The following ACACA variants were observed in gnomAD, a reference collection of about 807,000 sequenced individuals.
The protein encoded by ACACA is acetyl-CoA carboxylase 1.
A neutral mutation model predicts 296.1 loss-of-function variants in ACACA; 103 were observed. The ratio of observed to expected loss-of-function variants is 0.35; its 90% CI spans 0.30 to 0.41. The LOEUF is 0.41. ACACA is among the 10% of genes least tolerant of loss of function. ACACA has a pLI of 1.00. For synonymous variants in ACACA, 953 were observed against 1,038.6 expected, an observed-to-expected ratio of 0.92 and a Z score of 1.58; for missense variants, 1,554 against 2,989.7, an observed-to-expected ratio of 0.52 and a Z score of 11.20.
chr17:37,239,510 G>C (rs967244949), intron 24 of ACACA, among the ~76,000 whole-genome samples: 2 of 151,984 alleles, frequency 1.3e-5, no homozygotes, highest in African/African-American at 4.8e-5. Context: ...AGATTTTTTT[G>C]TGGGTCCCTT....
At chr17:37,316,208 G>A (rs1659493057) in intron 3 of ACACA, among the ~76,000 whole-genome samples, 1 of 151,654 alleles carries the variant, frequency 6.6e-6, no homozygotes, top group African/African-American at 2.4e-5. Flanking sequence ...ACCTTCCATT[G>A]CAGTAATAGT....
chr17:37,155,854 T>C (rs2076220617), intron 42 of ACACA, 74 bp from the exon 43 acceptor site: 3 of 1,012,794 alleles, frequency 3.0e-6, no homozygotes, highest in Non-Finnish European at 3.1e-6. Context: ...AAAGCATACA[T>C]AATGAAGCTT....
intron 1 of ACACA, among the ~76,000 whole-genome samples, chr17:37,354,211 C>T (rs1225120673): frequency 6.6e-6 from 1 of 152,156 alleles, no homozygotes; most frequent in Non-Finnish European, 1.5e-5. Context: ...GAATGGTAAA[C>T]ATTATTGTGG....
intron 41 of ACACA, among the ~76,000 whole-genome samples, chr17:37,173,734 C>A (rs955212625): frequency 6.6e-6 from 1 of 150,858 alleles, no homozygotes; most frequent in East Asian, 1.9e-4. Context: ...AAAACTGAAC[C>A]CCTAATCCCC....
intron 1 of ACACA, among the ~76,000 whole-genome samples, chr17:37,395,281 T>TTAG (rs1312334613): frequency 6.6e-6 from 1 of 151,678 alleles, no homozygotes; most frequent in Non-Finnish European, 1.5e-5. Flanking sequence ...ATACAAAAAA[T>TTAG]TAGTTGGGCA....
chr17:37,374,557 G>A (rs1398191281), intron 1 of ACACA, among the ~76,000 whole-genome samples: 2 of 152,086 alleles, frequency 1.3e-5, no homozygotes, highest in East Asian at 1.9e-4. Context: ...AAAGTGCTGG[G>A]ATTACAGGCG....
chr17:37,378,314 T>C lies in ACACA; in HGVS notation c.38+27948A>G, dbSNP rs61469190. Among the ~76,000 whole-genome samples the C allele has an allele frequency of 8.7e-4, 133 of 152,344 alleles. 1 individual carries two copies. Among genetic ancestry groups the C allele is most frequent in the African/African-American group, 3.1e-3 (130 of 41,588 alleles). On this transcript the variant is annotated intron_variant, in intron 1 of 55. Transcript: ENST00000616317. ...AAAGGCAGGACTTGTCTATTAGTACTATGAACACAAACTGAAGAAGTTAAC... is the reference window on the plus strand; with the variant it reads ...AAAGGCAGGACTTGTCTATTAGTACCATGAACACAAACTGAAGAAGTTAAC...
chr17:37,215,499 C>T (rs3848462), intron 29 of ACACA, among the ~76,000 whole-genome samples: 5,277 of 152,210 alleles, frequency 0.035, 148 homozygotes, highest in Non-Finnish European at 0.054. Context: ...GAGTCATATG[C>T]ATAGGCACAA....
intron 3 of ACACA, among the ~76,000 whole-genome samples, chr17:37,293,725 A>G (rs774789062): frequency 2.6e-5 from 4 of 151,990 alleles, no homozygotes; most frequent in Non-Finnish European, 5.9e-5. Flanking sequence ...TATTTTCAGT[A>G]GAGATGGGGT....
chr17:37,295,721 A>C (rs2083295402), intron 3 of ACACA, among the ~76,000 whole-genome samples: 1 of 152,016 alleles, frequency 6.6e-6, no homozygotes, highest in African/African-American at 2.4e-5. Context: ...TCAGGAGATC[A>C]AGACCATCCT....
intron 5 of ACACA, among the ~76,000 whole-genome samples, chr17:37,279,051 G>T (rs904402875): frequency 1.3e-5 from 2 of 151,772 alleles, no homozygotes; most frequent in Non-Finnish European, 2.9e-5. Flanking sequence ...ACATTTATGC[G>T]GCCAACAAAC....
chr17:37,335,521 G>C (rs996227900), intron 2 of ACACA, among the ~76,000 whole-genome samples: 7 of 152,132 alleles, frequency 4.6e-5, no homozygotes, highest in Non-Finnish European at 1.0e-4. Context: ...TGGCTCTTCA[G>C]AATCTGTGTG....
chr17:37,140,730 C>A, intron 45 of ACACA: 1 of 220,728 alleles, frequency 4.5e-6, no homozygotes, highest in South Asian at 8.4e-5. Flanking sequence ...TTCCAGAGGT[C>A]GGGGGTCAGG....
chr17:37,352,492 C>T (rs1448064198), intron 1 of ACACA, among the ~76,000 whole-genome samples: 1 of 151,900 alleles, frequency 6.6e-6, no homozygotes, highest in Non-Finnish European at 1.5e-5. Context: ...GCAGGAAGAT[C>T]GCTTGAGCCC....
At chr17:37,283,199 T>G (rs1259763091) in intron 5 of ACACA, 68 bp downstream of exon 5, 26 of 1,584,348 alleles carry the variant, frequency 1.6e-5, no homozygotes, top group South Asian at 2.2e-5. Context: ...AACATTCTCC[T>G]ACTTAAAGGC....
intron 3 of ACACA, among the ~76,000 whole-genome samples, chr17:37,316,992 G>A (rs2047124276): frequency 6.6e-6 from 1 of 151,534 alleles, no homozygotes; most frequent in South Asian, 2.1e-4. Context: ...AGGATCACTT[G>A]AGCCCAGGGA....
At chr17:37,186,324 C>T (rs1237054352) in intron 39 of ACACA, among the ~76,000 whole-genome samples, 1 of 152,080 alleles carries the variant, frequency 6.6e-6, no homozygotes, top group Admixed American at 6.5e-5. Context: ...CACATATTTG[C>T]CACAGAGAAA....
At chr17:37,325,579 C>CTTTTTTTTTTTATTTTTTTTTTTTTTTT (rs2047575425) in intron 3 of ACACA, among the ~76,000 whole-genome samples, 1 of 67,922 alleles carries the variant, frequency 1.5e-5, no homozygotes, top group African/African-American at 6.9e-5. Flanking sequence ...TCTTTTCTTT[C>CTTTTTTTTTTTATTTTTTTTTTTTTTTT]TTTTTTTTTT....
Position 37,093,998 on chromosome 17 carries a change from C to T in ACACA, c.6891+2998G>A, listed in dbSNP as rs553793897. Reference sequence around the variant, plus strand: ...TGCAGAGTCCTAATTTCAATTTCTACTATTGGGGTCTGGGAAAAAATAAAT... The same window carrying T: ...TGCAGAGTCCTAATTTCAATTTCTATTATTGGGGTCTGGGAAAAAATAAAT... On this transcript the variant is annotated intron_variant, in intron 54 of 55. Transcript: ENST00000616317. Among the ~76,000 whole-genome samples, 167 of 152,296 alleles carry T rather than the reference C, an allele frequency of 1.1e-3. 1 individual carries two copies. The highest frequency in any genetic ancestry group is 2.4e-3 in the Admixed American group (37 of 15,296).
Sources: allele counts gnomAD v4.1 joint callset (sites outside exome capture counted in the v4.1 genomes callset), GRCh38; gene constraint gnomAD v4.1.1; transcripts MANE v1.5; gene names NCBI Gene and HGNC (gene_info 2026-07-23, HGNC 2026-07-21).